ALPK3: variants seen among roughly 807,000 people sequenced by gnomAD.
ALPK3 encodes the protein alpha kinase 3, also known as alpha-protein kinase 3.
In ALPK3, 102 loss-of-function variants were observed where a neutral mutation model predicts 140.0. The ratio of observed to expected loss-of-function variants is 0.73; its 90% CI spans 0.62 to 0.86. ALPK3 has a LOEUF of 0.86. ALPK3 is among the 40% of genes least tolerant of loss of function. The pLI is 0.00. For synonymous variants in ALPK3, 938 were observed against 898.5 expected, an observed-to-expected ratio of 1.04 and a Z score of -0.79; for missense variants, 2,254 against 2,208.2, an observed-to-expected ratio of 1.02 and a Z score of -0.42.
In ALPK3 at chr15:84,857,973, G is replaced by A; in HGVS notation, c.3235G>A (p.Glu1079Lys). The A allele has an allele frequency of 6.2e-7, 1 of 1,607,062 alleles. No individual in the cohort carries two copies. The highest frequency in any genetic ancestry group is 1.1e-5 in the South Asian group (1 of 89,912). ...LTVPAIVVDE[E>K]DPGLASEGAS... ...TGTCCCTGCCATTGTGGTAGACGAG[G>A]AGGACCCTGGGCTGGCCTCAGAAGG... Residue 1079 changes from glutamate to lysine, a missense_variant, in exon 6 of 14, where the codon GAG becomes AAG. Transcript: ENST00000258888.
At chr15:84,852,330 A>G (rs1340514661) in intron 5 of ALPK3, among the ~76,000 whole-genome samples, 1 of 152,220 alleles carries the variant, frequency 6.6e-6, no homozygotes, top group African/African-American at 2.4e-5. Context: ...CCTGGTGGCT[A>G]TGCTGCACGA....
At chr15:84,837,196 G>A (rs1314885458) in intron 3 of ALPK3, among the ~76,000 whole-genome samples, 1 of 152,212 alleles carries the variant, frequency 6.6e-6, no homozygotes, top group African/African-American at 2.4e-5. Context: ...GAGAGCAGGG[G>A]CTGGAGGAGG....
intron 5 of ALPK3, among the ~76,000 whole-genome samples, chr15:84,844,383 G>A (rs1332850703): frequency 6.6e-6 from 1 of 151,696 alleles, no homozygotes; most frequent in African/African-American, 2.4e-5. Context: ...CTCCAGCCTC[G>A]GTGACAGAGT....
At chr15:84,859,510 C>A in intron 7 of ALPK3, 120 bp downstream of exon 7, 1 of 1,373,870 alleles carries the variant, frequency 7.3e-7, no homozygotes, top group Admixed American at 2.6e-5. Flanking sequence ...CAGGGGAGGT[C>A]CTTTTATTCC....
rs139722212 is a variant in ALPK3 at position 84,857,934 on chromosome 15, C to T, written c.3196C>T (p.Pro1066Ser). 1 of 1,609,748 alleles carries T rather than the reference C, an allele frequency of 6.2e-7. No homozygotes were observed. The highest frequency in any genetic ancestry group is 1.3e-5 in the African/African-American group (1 of 74,998). Reference protein sequence around the residue: ...AAARGSWGPGPSSLTVPAIVV... With the variant: ...AAARGSWGPGSSSLTVPAIVV... ...TGCCCGAGGCTCCTGGGGTCCTGGT[C>T]CCAGCTCCCTCACTGTCCCTGCCAT... Residue 1066 changes from proline (P) to serine (S), a missense_variant, in exon 6 of 14, where the codon CCC becomes TCC. Pro to Ser is a moderately conservative substitution (Grantham distance 74). Transcript: ENST00000258888.
At position 84,858,082 on chromosome 15, in the gene ALPK3, TG is replaced by T; in HGVS notation, c.3349del (p.Glu1117ArgfsTer17). On this transcript the variant is annotated frameshift_variant, in exon 6 of 14. Coordinates refer to ENST00000258888, the MANE Select transcript of ALPK3 (RefSeq NM_020778.5). LOFTEE classifies it high-confidence loss of function. The stretch of plus-strand genomic sequence containing the variant: ...CAGGAGAGCAGCATGGCTGGTCGAC[TG>T]GGGGAGGCGGGTGGGCAGGCAGCCC... ...ASQESSMAGR[L>X]GEAGGQAAPG... is the part of the protein sequence containing the mutation. 1 of 1,567,804 alleles carries T rather than the reference TG, an allele frequency of 6.4e-7. No homozygotes were observed. Among genetic ancestry groups the T allele is most frequent in the Non-Finnish European group, 8.6e-7 (1 of 1,160,592 alleles).
chr15:84,868,425 A>G lies in ALPK3; in HGVS notation c.5087A>G (p.Glu1696Gly), dbSNP rs1964028129. The change falls in exon 14 of 14, where the codon GAG (glutamate) becomes GGG (glycine). Residue 1696 changes from glutamate (E) to glycine (G), a missense_variant. Around this residue, in one of 3 missense-constraint regions of ALPK3, gnomAD observed 158 missense variants for 159.8 expected, o/e 0.99. Transcript: ENST00000258888. ...TQLLGQPPTQ[E>G]EGSKAQGMR ...TTGTTGGGACAGCCTCCCACCCAAGAGGAGGGCTCCAAGGCCCAGGGCATG... is the reference window on the plus strand; with the variant it reads ...TTGTTGGGACAGCCTCCCACCCAAGGGGAGGGCTCCAAGGCCCAGGGCATG... 2 of 1,611,012 alleles carry G rather than the reference A, an allele frequency of 1.2e-6. No individual in the cohort carries two copies. Among genetic ancestry groups the G allele is most frequent in the Non-Finnish European group, 1.7e-6 (2 of 1,179,950 alleles).
At position 84,869,612 on chromosome 15, in the gene ALPK3, G is replaced by T. The variant is rs1314356730; in HGVS notation, c.*1156G>T. The T allele has an allele frequency of 6.6e-6, 1 of 152,444 alleles. No individual in the cohort carries two copies. Among genetic ancestry groups the T allele is most frequent in the Non-Finnish European group, 1.5e-5 (1 of 68,068 alleles). The allele number at this position is 152,444 out of a possible 1,614,324, so 9.4% of individuals were successfully genotyped here. A position where few individuals can be genotyped will look rare whatever the true frequency, so the allele number is the denominator to read the frequency against. ...TCTTGATCCTGGGGCCCCAGCTCTG[G>T]GTCCTCATGTATGGGCTCCCAAGGA... On this transcript the variant is annotated 3_prime_UTR_variant, in exon 14 of 14. Transcript: ENST00000258888.
At chr15:84,867,172 TGCCAGCC>T in intron 12 of ALPK3, 138 bp from the exon 13 acceptor site, 1 of 540,800 alleles carries the variant, frequency 1.8e-6, no homozygotes, top group Non-Finnish European at 3.2e-6. Context: ...AGGAAGTTGA[TGCCAGCC>T]TGGGCTGGTT....
Position 84,826,803 on chromosome 15 carries a change from T to G in ALPK3, c.183-681T>G, listed in dbSNP as rs1963493542. On this transcript the variant is annotated intron_variant, in intron 2 of 13. Coordinates refer to ENST00000258888, the MANE Select transcript of ALPK3 (RefSeq NM_020778.5). The stretch of plus-strand genomic sequence containing the variant: ...CACTTCAGCATGTGGTATCCAGGGA[T>G]GGAGCAGGGGAGCCACAGCTGGCTT... 3.3e-5 allele frequency among the ~76,000 whole-genome samples: 5 copies of G among 152,254 alleles called. No homozygotes were observed. In the Middle Eastern group the frequency reaches 0.017, roughly 518 times the overall value.
chr15:84,851,958 G>A (rs979328301), intron 5 of ALPK3, among the ~76,000 whole-genome samples: 3 of 152,126 alleles, frequency 2.0e-5, no homozygotes, highest in African/African-American at 4.8e-5. Context: ...GAGGCTGTGC[G>A]ATGCCTGTAA....
chr15:84,822,316 C>G (rs1963436123), intron 1 of ALPK3, among the ~76,000 whole-genome samples: 1 of 152,038 alleles, frequency 6.6e-6, no homozygotes, highest in African/African-American at 2.4e-5. Context: ...ATCTACCAAC[C>G]CAGGAGCCCG....
chr15:84,860,203 C>T (rs1271557063), intron 9 of ALPK3, 131 bp downstream of exon 9: 26 of 1,171,024 alleles, frequency 2.2e-5, no homozygotes, highest in African/African-American at 3.1e-5. Context: ...TAGGATATGG[C>T]TTGGGAGATG....
chr15:84,851,575 C>T (rs1963802686), intron 5 of ALPK3, among the ~76,000 whole-genome samples: 1 of 152,200 alleles, frequency 6.6e-6, no homozygotes. Context: ...GTTACCAAAG[C>T]AGGTTCTTTG....
intron 11 of ALPK3, among the ~76,000 whole-genome samples, chr15:84,864,040 A>G (rs1046616779): frequency 2.6e-5 from 4 of 152,090 alleles, no homozygotes; most frequent in Admixed American, 1.3e-4. Context: ...ATAAATGGCA[A>G]TTGTTTGCAT....
chr15:84,833,524 G>A (rs187872734), intron 3 of ALPK3, among the ~76,000 whole-genome samples: 152 of 152,324 alleles, frequency 1.0e-3, no homozygotes, highest in African/African-American at 3.5e-3. Context: ...GCTGAGACTG[G>A]CCTCTCTGTG....
intron 1 of ALPK3, among the ~76,000 whole-genome samples, chr15:84,821,210 C>T (rs959691692): frequency 6.6e-6 from 1 of 152,160 alleles, no homozygotes; most frequent in Admixed American, 6.5e-5. Flanking sequence ...CTTCTGAAGA[C>T]CAGGTGCCTC....
chr15:84,847,637 T>TA (rs964735068), intron 5 of ALPK3, among the ~76,000 whole-genome samples: 3 of 151,848 alleles, frequency 2.0e-5, no homozygotes, highest in African/African-American at 4.8e-5. Context: ...TTTTTAATGC[T>TA]AAAAAAAAGA....
intron 3 of ALPK3, among the ~76,000 whole-genome samples, chr15:84,837,583 A>G (rs141579458): frequency 6.8e-4 from 104 of 152,314 alleles, no homozygotes; most frequent in Non-Finnish European, 1.3e-3. Flanking sequence ...TACTTAATAT[A>G]TATCTTTGAG....
Sources: gnomAD v4.1 joint callset for allele counts (sites outside exome capture counted in the v4.1 genomes callset) on GRCh38, gnomAD v4.1.1 for gene constraint, gnomAD v4.1.1 regional missense constraint, MANE v1.5 for transcripts, NCBI Gene and HGNC (gene_info 2026-07-23, HGNC 2026-07-21) for gene names.